Variants in FBXO42 observed in about 807,000 individuals in gnomAD.
The protein encoded by FBXO42 is F-box only protein 42.
In FBXO42, 12 loss-of-function variants were observed where a neutral mutation model predicts 71.7. The observed-to-expected ratio is 0.17, with a 90% CI of 0.11 to 0.27. The LOEUF (loss-of-function observed/expected upper bound fraction) is 0.27, where lower values mean the gene tolerates loss of function less well. FBXO42 is among the 10% of genes least tolerant of loss of function. The pLI is 1.00. For missense variants in FBXO42, 707 were observed against 911.9 expected, an observed-to-expected ratio of 0.78 and a Z score of 2.89; for synonymous variants, 325 against 327.5, an observed-to-expected ratio of 0.99 and a Z score of 0.08.
At chr1:16,295,114 T>C (rs1443401005) in intron 3 of FBXO42, among the ~76,000 whole-genome samples, 197 bp from the exon 4 acceptor site, 1 of 152,222 alleles carries the variant, frequency 6.6e-6, no homozygotes, top group East Asian at 1.9e-4. Flanking sequence ...AGGAAAGCTA[T>C]GAAAATTTTA....
At chr1:16,306,392 T>C (rs1250938373) in intron 2 of FBXO42, among the ~76,000 whole-genome samples, 1 of 152,200 alleles carries the variant, frequency 6.6e-6, no homozygotes, top group African/African-American at 2.4e-5. Context: ...ATTTTAAAAC[T>C]GAAAGGCAAT....
chr1:16,255,006 C>T (rs539827358), intron 6 of FBXO42, among the ~76,000 whole-genome samples: 3 of 152,320 alleles, frequency 2.0e-5, no homozygotes, highest in East Asian at 3.9e-4. Context: ...GGAGGGCCCA[C>T]CATTTCCACT....
Position 16,251,219 on chromosome 1 carries a change from A to AC in FBXO42, c.1604_1605insG (p.Asn535LysfsTer118). On this transcript the variant is annotated frameshift_variant, in exon 10 of 10. Transcript: ENST00000375592. LOFTEE classifies it high-confidence loss of function. The surrounding 1 kb of genome is among the most constrained non-coding windows in gnomAD (Gnocchi z 4.5). ...CCACGTGAGGTGGGGTATGCACACC[A>AC]TTTGTCTGTTCAGGAGGGTGTCTCA... is the stretch of plus-strand genomic sequence containing the variant. The AC allele has an allele frequency of 6.2e-7, 1 of 1,614,092 alleles. No homozygotes were observed. Among genetic ancestry groups the AC allele is most frequent in the South Asian group, 1.1e-5 (1 of 91,074 alleles).
chr1:16,266,362 G>A (rs528345356), intron 4 of FBXO42, among the ~76,000 whole-genome samples: 6 of 152,302 alleles, frequency 3.9e-5, no homozygotes, highest in African/African-American at 1.4e-4. Flanking sequence ...GCATGTACCT[G>A]TAGTCCCCAG....
intron 2 of FBXO42, among the ~76,000 whole-genome samples, chr1:16,311,525 T>TACAC (rs1455330630): frequency 2.1e-5 from 3 of 143,392 alleles, no homozygotes; most frequent in African/African-American, 7.7e-5. Flanking sequence ...TATATATATA[T>TACAC]ATACATATGT....
chr1:16,298,477 C>T lies in FBXO42; in HGVS notation c.368-3560G>A, dbSNP rs1038745076. 3.3e-5 allele frequency among the ~76,000 whole-genome samples: 5 copies of T among 152,214 alleles called. No homozygotes were observed. The South Asian group carries it at 1.0e-3, about 32-fold the overall frequency. On this transcript the variant is annotated intron_variant, in intron 3 of 9. Transcript: ENST00000375592. ...ATTCTTCTCCTCTTGATATTCCAGA[C>T]CTCCAGAAAAAGAAATTAGCAATGT...
intron 1 of FBXO42, among the ~76,000 whole-genome samples, chr1:16,320,013 G>A (rs1156466621): frequency 6.6e-6 from 1 of 151,912 alleles, no homozygotes; most frequent in Admixed American, 6.6e-5. Context: ...ACTCGCTAGA[G>A]GGAGGCCTTT....
At chr1:16,271,377 T>A (rs1450097955) in intron 4 of FBXO42, among the ~76,000 whole-genome samples, 1 of 151,202 alleles carries the variant, frequency 6.6e-6, no homozygotes, top group East Asian at 1.9e-4. Flanking sequence ...GCCTCCTAGG[T>A]TCAAGCCACT....
intron 1 of FBXO42, among the ~76,000 whole-genome samples, chr1:16,322,166 A>C (rs1019992310): frequency 6.6e-6 from 1 of 152,222 alleles, no homozygotes; most frequent in Non-Finnish European, 1.5e-5. Flanking sequence ...GTCAGAATTA[A>C]TACAAATCTC....
intron 1 of FBXO42, among the ~76,000 whole-genome samples, chr1:16,349,356 C>T (rs1245494694): frequency 6.6e-6 from 1 of 152,114 alleles, no homozygotes; most frequent in African/African-American, 2.4e-5. Context: ...CAACTTCAGA[C>T]CAAAAGCTGT....
At chr1:16,335,968 G>C (rs2100619442) in intron 1 of FBXO42, among the ~76,000 whole-genome samples, 1 of 150,894 alleles carries the variant, frequency 6.6e-6, no homozygotes, top group Admixed American at 6.6e-5. Flanking sequence ...TTTCGCTCTT[G>C]TTGCCCAGGC....
chr1:16,304,353 A>G (rs996103971), intron 3 of FBXO42, among the ~76,000 whole-genome samples: 1 of 151,866 alleles, frequency 6.6e-6, no homozygotes, highest in African/African-American at 2.4e-5. Flanking sequence ...TCCTGACCTC[A>G]GGTGATCAGC....
intron 1 of FBXO42, among the ~76,000 whole-genome samples, chr1:16,349,310 G>A (rs749730997): frequency 2.6e-5 from 4 of 152,080 alleles, no homozygotes; most frequent in Non-Finnish European, 5.9e-5. Flanking sequence ...AGCACTTAAC[G>A]GGTTTCCTTG....
chr1:16,306,794 G>T (rs1003697732), intron 2 of FBXO42, among the ~76,000 whole-genome samples: 2 of 152,118 alleles, frequency 1.3e-5, no homozygotes, highest in East Asian at 3.8e-4. Flanking sequence ...TGCCTCCCAG[G>T]CTCAAGCAAT....
Position 16,315,253 on chromosome 1 carries a change from C to T in FBXO42, c.166G>A (p.Glu56Lys). The change falls in exon 2 of 10, where the codon GAG (glutamate) becomes AAG (lysine). Residue 56 changes from glutamate (E) to lysine (K), a missense_variant. This residue lies in a region of FBXO42 where 188 missense variants were observed against 230.5 expected (regional missense o/e 0.82). Transcript: ENST00000375592. ...GGTGAGAGAAAGGACAGGATATACT[C>T]CAAAACCTCTTCTGGCAGCTCCGAC... is the stretch of plus-strand genomic sequence containing the variant. ...SMSELPEEVL[E>K]YILSFLSPYQ... The T allele has an allele frequency of 6.2e-7, 1 of 1,614,122 alleles. No homozygotes were observed. The highest frequency in any genetic ancestry group is 8.5e-7 in the Non-Finnish European group (1 of 1,180,022).
intron 4 of FBXO42, among the ~76,000 whole-genome samples, chr1:16,262,689 C>T (rs1023754999): frequency 2.0e-5 from 3 of 152,114 alleles, no homozygotes; most frequent in Non-Finnish European, 4.4e-5. Context: ...GCGGATCCAT[C>T]AATTTTGGCA....
At chr1:16,306,055 C>A in intron 2 of FBXO42, 136 bp from the exon 3 acceptor site, 1 of 634,362 alleles carries the variant, frequency 1.6e-6, no homozygotes, top group Non-Finnish European at 2.7e-6. Flanking sequence ...TGGAGTCTCA[C>A]TCTGTCGCCC....
chr1:16,319,708 C>T (rs548305673), intron 1 of FBXO42, among the ~76,000 whole-genome samples: 2 of 151,854 alleles, frequency 1.3e-5, no homozygotes, highest in South Asian at 2.1e-4. Flanking sequence ...CTCGGGAGTT[C>T]GAGACCAGCC....
intron 4 of FBXO42, among the ~76,000 whole-genome samples, chr1:16,274,784 G>T (rs1011184858): frequency 1.3e-5 from 2 of 151,316 alleles, no homozygotes; most frequent in Non-Finnish European, 2.9e-5. Flanking sequence ...TAGAGACAGG[G>T]TTTCATCACG....
Sources: gnomAD v4.1 joint callset for allele counts (sites outside exome capture counted in the v4.1 genomes callset) on GRCh38, gnomAD v4.1.1 for gene constraint, gnomAD v4.1.1 regional missense constraint, Gnocchi (gnomAD v3.1) non-coding constraint, MANE v1.5 for transcripts, NCBI Gene and HGNC (gene_info 2026-07-23, HGNC 2026-07-21) for gene names.